CREB3L2: variants seen among roughly 807,000 people sequenced by gnomAD.
CREB3L2 encodes cAMP responsive element binding protein 3 like 2.
In CREB3L2, 23 loss-of-function variants were observed where a neutral mutation model predicts 57.2. That is an observed-to-expected ratio of 0.40 (90% CI 0.29 to 0.57). The LOEUF (loss-of-function observed/expected upper bound fraction) is 0.57. CREB3L2 is among the 20% of genes least tolerant of loss of function. The pLI is 0.42. For synonymous variants in CREB3L2, 268 were observed against 265.1 expected (o/e 1.01, Z -0.11); for missense variants, 628 against 634.7 (o/e 0.99, Z 0.11).
chr7:138,001,851 G>A lies in CREB3L2; in HGVS notation c.-146C>T, dbSNP rs1307224668. On this transcript the variant is annotated 5_prime_UTR_variant, in exon 1 of 12. In the 5' UTR this introduces an upstream ATG that the reference lacks. Coordinates refer to ENST00000330387, the MANE Select transcript of CREB3L2 (RefSeq NM_194071.4). This position sits in a 1 kb window ranked among gnomAD's most constrained non-coding sequence, Gnocchi z 4.2. Reference sequence around the variant, plus strand: ...GTAGTTTTGCACTTGGAAAGCAAACGTCTGCTCCTCTGCCGGAGAGAGGAT... The same window carrying A: ...GTAGTTTTGCACTTGGAAAGCAAACATCTGCTCCTCTGCCGGAGAGAGGAT... 1.9e-6 allele frequency: 1 copy of A among 536,932 alleles called. No homozygotes were observed. The highest frequency in any genetic ancestry group is 3.2e-6 in the Non-Finnish European group (1 of 310,826). The allele number at this position is 536,932 out of a possible 1,614,324, so 33.3% of individuals were successfully genotyped here.
chr7:137,879,057 G>A lies in CREB3L2; in HGVS notation c.*1419C>T, dbSNP rs937393912. The A allele has an allele frequency of 5.4e-5, 23 of 427,004 alleles. No homozygotes were observed. Among genetic ancestry groups the A allele is most frequent in the Non-Finnish European group, 9.3e-5 (21 of 226,784 alleles). The allele number at this position is 427,004 out of a possible 1,614,324, so 26.5% of individuals were successfully genotyped here. A position where few individuals can be genotyped will look rare whatever the true frequency, so the allele number is the denominator to read the frequency against. On this transcript the variant is annotated 3_prime_UTR_variant, in exon 12 of 12. Transcript: ENST00000330387. Reference sequence around the variant, plus strand: ...CCTACACAAAATCTTTCCCAAGCTCGGAAAAAACACTTGAGGGTTTTCTAC... The same window carrying A: ...CCTACACAAAATCTTTCCCAAGCTCAGAAAAAACACTTGAGGGTTTTCTAC...
At chr7:137,881,944 A>C (rs760136350) in intron 11 of CREB3L2, among the ~76,000 whole-genome samples, 1 of 152,252 alleles carries the variant, frequency 6.6e-6, no homozygotes, top group Non-Finnish European at 1.5e-5. Context: ...TAATATGTAT[A>C]GTTTTAATTA....
At chr7:137,907,584 A>T (rs1420007017) in intron 5 of CREB3L2, among the ~76,000 whole-genome samples, 1 of 152,244 alleles carries the variant, frequency 6.6e-6, no homozygotes, top group Non-Finnish European at 1.5e-5. Context: ...ATCTCATTTC[A>T]TTTAAATTTT....
chr7:137,939,493 A>T (rs1416164899), intron 1 of CREB3L2, among the ~76,000 whole-genome samples: 2 of 152,236 alleles, frequency 1.3e-5, no homozygotes, highest in Non-Finnish European at 2.9e-5. Context: ...TAGAGCAGAC[A>T]GAGCTGTTCC....
intron 1 of CREB3L2, among the ~76,000 whole-genome samples, chr7:137,945,980 T>C (rs931272680): frequency 2.0e-5 from 3 of 152,298 alleles, no homozygotes; most frequent in Admixed American, 2.0e-4. Context: ...ATACTTAAAA[T>C]AATATTTTTG....
chr7:137,875,573 C>T lies in CREB3L2; in HGVS notation c.*4903G>A, dbSNP rs1166967782. The stretch of plus-strand genomic sequence containing the variant: ...GGACACCTGGGGGACTGCTCCAGCA[C>T]GAAGGGAAGCGATGAGCATCACACA... On this transcript the variant is annotated 3_prime_UTR_variant, in exon 12 of 12. Coordinates refer to ENST00000330387, the MANE Select transcript of CREB3L2 (RefSeq NM_194071.4). 7 of 223,760 alleles carry T rather than the reference C, an allele frequency of 3.1e-5. 1 individual carries two copies. The highest frequency in any genetic ancestry group is 4.5e-5 in the Non-Finnish European group (5 of 112,098). The allele number at this position is 223,760 out of a possible 1,614,324, so 13.9% of individuals were successfully genotyped here.
chr7:137,981,887 A>C (rs1193845257), intron 1 of CREB3L2, among the ~76,000 whole-genome samples: 1 of 152,254 alleles, frequency 6.6e-6, no homozygotes, highest in Non-Finnish European at 1.5e-5. Flanking sequence ...TCGAGTACAG[A>C]GGCACAGGGC....
At chr7:137,987,629 C>T (rs751118335) in intron 1 of CREB3L2, among the ~76,000 whole-genome samples, 3 of 152,184 alleles carry the variant, frequency 2.0e-5, no homozygotes, top group East Asian at 1.9e-4. Flanking sequence ...AAGAGATACA[C>T]GGGAGCTTTT....
At chr7:137,888,160 T>C (rs1799465626) in intron 8 of CREB3L2, among the ~76,000 whole-genome samples, 1 of 152,120 alleles carries the variant, frequency 6.6e-6, no homozygotes, top group African/African-American at 2.4e-5. Flanking sequence ...ACAGCATCTC[T>C]CACTTTGTTG....
rs368376398 is a variant in CREB3L2 at position 137,912,979 on chromosome 7, G to C, written c.583+12C>G. On this transcript the variant is annotated intron_variant, in intron 4 of 11. Transcript: ENST00000330387. ...TCCATAACCCAAAGGGACACAGGGA[G>C]GGCAGACAGACCTTCTTTAGGAGAG... 9 of 1,613,394 alleles carry C rather than the reference G, an allele frequency of 5.6e-6. No homozygotes were observed. The African/African-American group carries it at 1.2e-4, about 22-fold the overall frequency.
chr7:137,925,829 G>C (rs1197658747), intron 2 of CREB3L2, among the ~76,000 whole-genome samples: 1 of 152,200 alleles, frequency 6.6e-6, no homozygotes, highest in African/African-American at 2.4e-5. Context: ...GCTGGCCTAG[G>C]AAAGTGACTT....
In CREB3L2 at chr7:137,926,898, T is replaced by G. The variant is rs547132940; in HGVS notation, c.319+1252A>C. On this transcript the variant is annotated intron_variant, in intron 2 of 11. Transcript: ENST00000330387. ...GCATGGTGGCTCATGCCTATAATCCTAGCACTTGGGGACGCTGTGGAGGAA... is the reference window on the plus strand; with the variant it reads ...GCATGGTGGCTCATGCCTATAATCCGAGCACTTGGGGACGCTGTGGAGGAA... Among the ~76,000 whole-genome samples the G allele has an allele frequency of 2.0e-4, 31 of 152,260 alleles. No individual in the cohort carries two copies. The South Asian group carries it at 6.0e-3, about 30-fold the overall frequency.
intron 8 of CREB3L2, among the ~76,000 whole-genome samples, chr7:137,899,631 C>T (rs1021886496): frequency 6.6e-6 from 1 of 152,206 alleles, no homozygotes; most frequent in Admixed American, 6.5e-5. Flanking sequence ...GCAGTGAAAC[C>T]AGCTCCCTTG....
chr7:137,884,556 G>T, intron 10 of CREB3L2: 1 of 287,862 alleles, frequency 3.5e-6, no homozygotes, highest in Non-Finnish European at 6.6e-6. Context: ...CCCTGACCTT[G>T]CTGTTTATTT....
intron 2 of CREB3L2, among the ~76,000 whole-genome samples, chr7:137,918,516 G>T (rs1800200631): frequency 6.6e-6 from 1 of 152,008 alleles, no homozygotes; most frequent in Admixed American, 6.6e-5. Context: ...CTTAAAGCCT[G>T]CCCACACTGA....
Position 137,880,560 on chromosome 7 carries a change from G to C in CREB3L2, c.1488-9C>G. 1 of 1,607,896 alleles carries C rather than the reference G, an allele frequency of 6.2e-7. No homozygotes were observed. Among genetic ancestry groups the C allele is most frequent in the Non-Finnish European group, 8.5e-7 (1 of 1,174,578 alleles). On this transcript the variant is annotated splice_polypyrimidine_tract_variant and intron_variant, in intron 11 of 11. Coordinates refer to ENST00000330387, the MANE Select transcript of CREB3L2 (RefSeq NM_194071.4). The surrounding 1 kb of genome is among the most constrained non-coding windows in gnomAD (Gnocchi z 4.0). Reference sequence around the variant, plus strand: ...CCAGTTTGGCGCTGACCCTGTGAAGGCATTAAAAGGAAAACGAAGTATTAG... The same window carrying C: ...CCAGTTTGGCGCTGACCCTGTGAAGCCATTAAAAGGAAAACGAAGTATTAG...
chr7:137,952,539 T>G (rs1479802556), intron 1 of CREB3L2, among the ~76,000 whole-genome samples: 1 of 152,216 alleles, frequency 6.6e-6, no homozygotes, highest in Non-Finnish European at 1.5e-5. Flanking sequence ...CTTACTGATT[T>G]ATCTGTTCCA....
intron 3 of CREB3L2, among the ~76,000 whole-genome samples, chr7:137,915,016 C>T (rs534183424): frequency 2.0e-5 from 3 of 152,258 alleles, no homozygotes; most frequent in South Asian, 2.1e-4. Context: ...CATGAGCCAC[C>T]GTGCCCGGCT....
In CREB3L2 at chr7:137,877,459, G is replaced by C. The variant is rs531232756; in HGVS notation, c.*3017C>G. On this transcript the variant is annotated 3_prime_UTR_variant, in exon 12 of 12. Transcript: ENST00000330387. The stretch of plus-strand genomic sequence containing the variant: ...ATTCTTTCTTAAAACTGGCACTGCA[G>C]CCTTTCATTTACAATATCCCTTTTT... The C allele has an allele frequency of 1.8e-5, 4 of 226,076 alleles. No homozygotes were observed. The highest frequency in any genetic ancestry group is 6.7e-5 in the African/African-American group (3 of 45,040). The allele number at this position is 226,076 out of a possible 1,614,324, so 14.0% of individuals were successfully genotyped here.
Sources: gnomAD v4.1 joint callset for allele counts (sites outside exome capture counted in the v4.1 genomes callset) on GRCh38, gnomAD v4.1.1 for gene constraint, Gnocchi (gnomAD v3.1) non-coding constraint, MANE v1.5 for transcripts, NCBI Gene and HGNC (gene_info 2026-07-23, HGNC 2026-07-21) for gene names.